AK9: variants seen among roughly 807,000 people sequenced by gnomAD.
The protein encoded by AK9 is adenylate kinase domain containing 1.
A neutral mutation model predicts 239.6 loss-of-function variants in AK9; 191 were observed. That is an observed-to-expected ratio of 0.80 (90% CI 0.71 to 0.90). The LOEUF is 0.90. Ranked by LOEUF, AK9 falls within the 40% of genes least tolerant of loss-of-function variation. The pLI is 0.00. For missense variants in AK9, 1,995 were observed against 2,214.7 expected (o/e 0.90, Z 1.99); for synonymous variants, 689 against 721.0 (o/e 0.96, Z 0.71).
At chr6:109,669,086 T>C (rs564460403) in intron 5 of AK9, among the ~76,000 whole-genome samples, 2,214 of 150,946 alleles carry the variant, frequency 0.015, 57 homozygotes, top group African/African-American at 0.051. Flanking sequence ...CAGTGGTTTG[T>C]AGTTCTCCTT....
At chr6:109,625,544 G>C (rs905850317) in intron 12 of AK9, among the ~76,000 whole-genome samples, 1 of 152,218 alleles carries the variant, frequency 6.6e-6, no homozygotes, top group Non-Finnish European at 1.5e-5. Context: ...AGCAGTGGCA[G>C]CATTAGATTC....
At chr6:109,642,703 A>G (rs1437095662) in intron 9 of AK9, among the ~76,000 whole-genome samples, 1 of 152,182 alleles carries the variant, frequency 6.6e-6, no homozygotes, top group East Asian at 1.9e-4. Context: ...GATGTGAGAA[A>G]AAAAAAGTCA....
intron 12 of AK9, among the ~76,000 whole-genome samples, chr6:109,624,857 T>C (rs1795324650): frequency 2.0e-5 from 3 of 152,160 alleles, no homozygotes; most frequent in South Asian, 2.1e-4. Flanking sequence ...ACTGACTTTA[T>C]AGTTTCTTTT....
chr6:109,493,161 T>C lies in AK9; in HGVS notation c.*208A>G. On this transcript the variant is annotated 3_prime_UTR_variant, in exon 41 of 41. Coordinates refer to ENST00000424296, the MANE Select transcript of AK9 (RefSeq NM_001145128.3). Reference sequence around the variant, plus strand: ...AAAGTTCAGGCAAAGAGCAATACATTTTAAAATTGTATTAAAACTTGTTTC... The same window carrying C: ...AAAGTTCAGGCAAAGAGCAATACATCTTAAAATTGTATTAAAACTTGTTTC... The C allele has an allele frequency of 2.1e-6, 1 of 468,846 alleles. No individual in the cohort carries two copies. The highest frequency in any genetic ancestry group is 3.8e-6 in the Non-Finnish European group (1 of 266,208). The allele number at this position is 468,846 out of a possible 1,614,324, so 29.0% of individuals were successfully genotyped here.
chr6:109,639,495 G>A (rs139067957), intron 10 of AK9, among the ~76,000 whole-genome samples: 3,160 of 150,210 alleles, frequency 0.021, 85 homozygotes, highest in East Asian at 0.11. Context: ...TTTTTGATGG[G>A]GTTGTTTTTT....
rs569198013 is a variant in AK9, at chr6:109,580,912, T to G, written c.2115-1286A>C. 8.9e-4 allele frequency among the ~76,000 whole-genome samples: 128 copies of G among 143,742 alleles called. 1 individual carries two copies. Among genetic ancestry groups the G allele is most frequent in the African/African-American group, 1.9e-3 (77 of 40,720 alleles). The allele number at this position is 143,742 out of a possible 152,430, so 94.3% of individuals were successfully genotyped here. A position where few individuals can be genotyped will look rare whatever the true frequency, so the allele number is the denominator to read the frequency against. On this transcript the variant is annotated intron_variant, in intron 19 of 40. Coordinates refer to ENST00000424296, the MANE Select transcript of AK9 (RefSeq NM_001145128.3). The stretch of plus-strand genomic sequence containing the variant: ...GCTTTACAGATATCGTGGTTTTTTT[T>G]TGTGTTTTTTTGTTTTGTTTTACAA...
intron 10 of AK9, among the ~76,000 whole-genome samples, chr6:109,634,949 C>T (rs1035148334): frequency 5.3e-5 from 8 of 152,160 alleles, no homozygotes; most frequent in Non-Finnish European, 1.0e-4. Context: ...TGGGGCCACA[C>T]GTTCAGCAGG....
intron 38 of AK9, among the ~76,000 whole-genome samples, chr6:109,496,630 T>C (rs1777062656): frequency 6.6e-6 from 1 of 152,170 alleles, no homozygotes; most frequent in Non-Finnish European, 1.5e-5. Context: ...TTCATGTCTC[T>C]GTGGTTCTTC....
rs765591736 is a variant in AK9, at chr6:109,514,310, A to G, written c.4193T>C (p.Ile1398Thr). 3.2e-6 allele frequency: 5 copies of G among 1,551,602 alleles called. No individual in the cohort carries two copies. The highest frequency in any genetic ancestry group is 4.4e-6 in the Non-Finnish European group (5 of 1,146,968). Residue 1398 changes from isoleucine (I) to threonine (T), a missense_variant, in exon 32 of 41, where the codon ATC (isoleucine) becomes ACC (threonine). Physicochemically the swap from Ile to Thr is moderately conservative, Grantham distance 89 (BLOSUM62 -1). Transcript: ENST00000424296. Reference sequence around the variant, plus strand: ...AGGTTTGGGTTGGCGGATATATTTGATTGGGTTCTTCATAAATTTTTCTTT... The same window carrying G: ...AGGTTTGGGTTGGCGGATATATTTGGTTGGGTTCTTCATAAATTTTTCTTT... Reference protein sequence around the residue: ...ETKEKFMKNPIKYIRQPKPKP... With the variant: ...ETKEKFMKNPTKYIRQPKPKP...
rs1052104741 is a variant in AK9, at chr6:109,683,216, T to G, written c.-11-7460A>C. ...TCAACACCTCATTCACGCTAAAAAC[T>G]CTCAATAAACTAGGTATCAATGGAA... is the stretch of plus-strand genomic sequence containing the variant. On this transcript the variant is annotated intron_variant, in intron 1 of 40. Transcript: ENST00000424296. Among the ~76,000 whole-genome samples the G allele has an allele frequency of 7.2e-5, 11 of 152,086 alleles. 1 individual carries two copies. The highest frequency in any genetic ancestry group is 1.5e-5 in the Non-Finnish European group (1 of 68,034).
At chr6:109,603,867 G>A (rs764411097) in intron 17 of AK9, among the ~76,000 whole-genome samples, 127 of 152,310 alleles carry the variant, frequency 8.3e-4, no homozygotes, top group East Asian at 2.5e-3. Flanking sequence ...GGGACCCTCC[G>A]AGCCAGGCGC....
rs561486199 is a variant in AK9 at position 109,635,129 on chromosome 6, T to C, written c.934-1806A>G. On this transcript the variant is annotated intron_variant, in intron 10 of 40. Transcript: ENST00000424296. Reference sequence around the variant, plus strand: ...AGTAGAAGAATAAAAAAAAAAGAAATAAACTCATGAGGACGCAGAGAATGG... The same window carrying C: ...AGTAGAAGAATAAAAAAAAAAGAAACAAACTCATGAGGACGCAGAGAATGG... 4.6e-5 allele frequency among the ~76,000 whole-genome samples: 7 copies of C among 151,774 alleles called. No homozygotes were observed. In the South Asian group the frequency reaches 1.5e-3, roughly 32 times the overall value.
chr6:109,622,213 A>ATACATTATATATAATATACATATT (rs1794951350), intron 12 of AK9, among the ~76,000 whole-genome samples: 4 of 145,048 alleles, frequency 2.8e-5, no homozygotes, highest in South Asian at 2.1e-4. Context: ...TATATATTTT[A>ATACATTATATATAATATACATATT]GACATTATAT....
Position 109,568,566 on chromosome 6 carries a change from A to G in AK9, c.2345-3721T>C, listed in dbSNP as rs1203454614. On this transcript the variant is annotated intron_variant, in intron 21 of 40. Transcript: ENST00000424296. ...GCCCAAAATCTCCTTAAGCTGATAA[A>G]CAACTTCAGCAAAGTCTCAGGATAC... 2.0e-5 allele frequency among the ~76,000 whole-genome samples: 3 copies of G among 152,278 alleles called. No homozygotes were observed. In the East Asian group the frequency reaches 5.8e-4, roughly 29 times the overall value.
At chr6:109,650,483 A>C (rs1181289219) in intron 8 of AK9, among the ~76,000 whole-genome samples, 16 of 151,874 alleles carry the variant, frequency 1.1e-4, no homozygotes, top group East Asian at 9.7e-4. Context: ...TGAAAAAATG[A>C]TCATCATCAC....
rs1392053431 is a variant in AK9, at chr6:109,585,132, T to G, written c.2105A>C (p.Glu702Ala). ...TCTAGGCAGATTTTACCTTGCTTCT[T>G]CTTCTTCTTTTTTTTTCTTTTGTAG... ...EELQKKKKEE[E>A]EARKATEEEL... The change falls in exon 19 of 41, where the codon GAA (glutamate) becomes GCA (alanine). Residue 702 changes from glutamate to alanine, a missense_variant. Physicochemically the swap from Glu to Ala is moderately radical, Grantham distance 107. Around this residue, in one of 5 missense-constraint regions of AK9, gnomAD observed 1,290 missense variants for 1,392.7 expected, o/e 0.93. Transcript: ENST00000424296. 1 of 1,167,986 alleles carries G rather than the reference T, an allele frequency of 8.6e-7. No individual in the cohort carries two copies. Among genetic ancestry groups the G allele is most frequent in the South Asian group, 2.0e-5 (1 of 50,682 alleles). The allele number at this position is 1,167,986 out of a possible 1,614,324, so 72.4% of individuals were successfully genotyped here. A position where few individuals can be genotyped will look rare whatever the true frequency, so the allele number is the denominator to read the frequency against.
intron 29 of AK9, among the ~76,000 whole-genome samples, chr6:109,524,520 C>G (rs1445977818): frequency 6.6e-6 from 1 of 152,084 alleles, no homozygotes; most frequent in African/African-American, 2.4e-5. Context: ...TACACCATAA[C>G]CAAACTGTTG....
chr6:109,595,153 A>G (rs986288612), intron 17 of AK9, among the ~76,000 whole-genome samples: 21 of 152,212 alleles, frequency 1.4e-4, no homozygotes, highest in African/African-American at 4.8e-5. Flanking sequence ...AAACTTAAAC[A>G]GATTTATAAG....
chr6:109,561,470 T>C (rs1785767083), intron 24 of AK9, among the ~76,000 whole-genome samples: 1 of 152,040 alleles, frequency 6.6e-6, no homozygotes, highest in African/African-American at 2.4e-5. Context: ...TGCACCACCA[T>C]GCCTGGTTAA....
Sources: allele counts gnomAD v4.1 joint callset (sites outside exome capture counted in the v4.1 genomes callset), GRCh38; gene constraint gnomAD v4.1.1; regional missense constraint gnomAD v4.1.1; transcripts MANE v1.5; gene names NCBI Gene and HGNC (gene_info 2026-07-23, HGNC 2026-07-21).